The following PRKCH variants were observed in gnomAD, a reference collection of about 807,000 sequenced individuals.
PRKCH encodes protein kinase C eta type.
A neutral mutation model predicts 82.5 loss-of-function variants in PRKCH; 28 were observed. The observed-to-expected ratio is 0.34, with a 90% CI of 0.25 to 0.47. The LOEUF (loss-of-function observed/expected upper bound fraction) is 0.47, where lower values mean the gene tolerates loss of function less well. PRKCH is among the 20% of genes least tolerant of loss of function. The pLI is 1.00. For synonymous variants in PRKCH, 322 were observed against 327.4 expected (o/e 0.98, Z 0.18); for missense variants, 705 against 881.8 (o/e 0.80, Z 2.54).
chr14:61,295,373 C>T (rs2045398143), intron 1 of PRKCH, among the ~76,000 whole-genome samples: 1 of 152,220 alleles, frequency 6.6e-6, no homozygotes, highest in Admixed American at 6.5e-5. Flanking sequence ...TTAAAAACAT[C>T]TCCCCTGGGA....
At chr14:61,244,375 C>A (rs548828487) in intron 1 of PRKCH, among the ~76,000 whole-genome samples, 1 of 152,090 alleles carries the variant, frequency 6.6e-6, no homozygotes, top group African/African-American at 2.4e-5. Flanking sequence ...CAACCTGAAA[C>A]GGTATATGAG....
intron 1 of PRKCH, among the ~76,000 whole-genome samples, chr14:61,216,334 G>A (rs1469523147): frequency 6.6e-6 from 1 of 151,926 alleles, no homozygotes; most frequent in South Asian, 2.1e-4. Context: ...ATGTGGTGGT[G>A]CATGCCTGTA....
chr14:61,451,659 G>A (rs1884514133), intron 6 of PRKCH, among the ~76,000 whole-genome samples: 1 of 152,206 alleles, frequency 6.6e-6, no homozygotes, highest in African/African-American at 2.4e-5. Context: ...TTAGGAGTTA[G>A]GGAGCTGTTG....
chr14:61,536,480 C>T (rs1442096430), intron 12 of PRKCH, among the ~76,000 whole-genome samples: 1 of 152,186 alleles, frequency 6.6e-6, no homozygotes, highest in Non-Finnish European at 1.5e-5. Flanking sequence ...CAGACCTTCA[C>T]AGTGCCTCTC....
intron 1 of PRKCH, among the ~76,000 whole-genome samples, chr14:61,301,062 C>T (rs370997472): frequency 3.3e-5 from 5 of 152,138 alleles, no homozygotes; most frequent in African/African-American, 7.2e-5. Context: ...CACTCAGGCG[C>T]CCCGCTCTCT....
Position 61,242,650 on chromosome 14 carries a change from G to A in PRKCH, c.-19+54982G>A, listed in dbSNP as rs536227758. Among the ~76,000 whole-genome samples, 4 of 151,938 alleles carry A rather than the reference G, an allele frequency of 2.6e-5. No individual in the cohort carries two copies. The South Asian group carries it at 6.2e-4, about 24-fold the overall frequency. On this transcript the variant is annotated intron_variant, in intron 1 of 3. Coordinates refer to the PRKCH transcript ENST00000555185. The stretch of plus-strand genomic sequence containing the variant: ...TGACCTCAGGTGATCCCCCCTCCTC[G>A]GCCTCCCAAAGTGCTGGGATTACAG...
chr14:61,547,613 AC>A, intron 12 of PRKCH, 129 bp from the exon 13 acceptor site: 1 of 1,176,344 alleles, frequency 8.5e-7, no homozygotes, highest in African/African-American at 1.5e-5. Context: ...GTGATGGAAA[AC>A]CCAGCTAGTT....
At chr14:61,402,578 C>T (rs891782173) in intron 2 of PRKCH, among the ~76,000 whole-genome samples, 3 of 151,936 alleles carry the variant, frequency 2.0e-5, no homozygotes, top group Admixed American at 6.6e-5. Context: ...GGGCAGATCA[C>T]GAGGTCAGGA....
intron 2 of PRKCH, among the ~76,000 whole-genome samples, chr14:61,434,433 G>T (rs1465227110): frequency 2.0e-5 from 3 of 152,050 alleles, no homozygotes; most frequent in African/African-American, 7.2e-5. Flanking sequence ...AAGAATGTCT[G>T]ACCTACTGTT....
At chr14:61,194,864 G>C (rs2044430317) in intron 1 of PRKCH, among the ~76,000 whole-genome samples, 2 of 152,140 alleles carry the variant, frequency 1.3e-5, no homozygotes, top group Non-Finnish European at 2.9e-5. Context: ...CTCCTGAGTA[G>C]CTGGGATCAC....
chr14:61,249,653 G>A (rs545925045), intron 1 of PRKCH, among the ~76,000 whole-genome samples: 25 of 151,412 alleles, frequency 1.7e-4, no homozygotes, highest in African/African-American at 5.8e-4. Flanking sequence ...ACAGAGTCTC[G>A]CTCTGTCTCC....
intron 1 of PRKCH, among the ~76,000 whole-genome samples, chr14:61,247,975 T>C (rs1374226466): frequency 6.6e-6 from 1 of 152,106 alleles, no homozygotes; most frequent in Non-Finnish European, 1.5e-5. Flanking sequence ...TACAGGATAC[T>C]CCATCAACTT....
intron 10 of PRKCH, among the ~76,000 whole-genome samples, chr14:61,505,533 G>A (rs926713053): frequency 1.4e-5 from 2 of 146,670 alleles, no homozygotes; most frequent in Non-Finnish European, 3.0e-5. Flanking sequence ...GTGCCACCAC[G>A]CCTGGCCAAT....
chr14:61,531,255 A>G (rs932059592), intron 12 of PRKCH, among the ~76,000 whole-genome samples: 1 of 152,206 alleles, frequency 6.6e-6, no homozygotes, highest in Non-Finnish European at 1.5e-5. Flanking sequence ...AAGTACATGT[A>G]ATTTGGGTCA....
intron 1 of PRKCH, among the ~76,000 whole-genome samples, chr14:61,201,704 T>A (rs932401995): frequency 6.6e-6 from 1 of 152,116 alleles, no homozygotes; most frequent in Admixed American, 6.5e-5. Context: ...ACATAGCCAA[T>A]AGAACTAAAA....
chr14:61,483,671 C>T (rs772913260), intron 9 of PRKCH, among the ~76,000 whole-genome samples: 4 of 151,938 alleles, frequency 2.6e-5, no homozygotes, highest in Non-Finnish European at 5.9e-5. Context: ...AGCAGGAGCA[C>T]GCACCCTGCT....
intron 9 of PRKCH, among the ~76,000 whole-genome samples, chr14:61,481,995 T>C (rs902237818): frequency 7.0e-5 from 10 of 142,684 alleles, no homozygotes; most frequent in East Asian, 4.2e-4. Context: ...TTTTCCTTTT[T>C]TTTTTTTTTT....
intron 2 of PRKCH, among the ~76,000 whole-genome samples, chr14:61,428,290 T>C (rs1883229676): frequency 6.6e-6 from 1 of 152,070 alleles, no homozygotes; most frequent in South Asian, 2.1e-4. Flanking sequence ...CTCTGCACTC[T>C]AGCCTTTGTA....
intron 9 of PRKCH, among the ~76,000 whole-genome samples, chr14:61,471,542 G>A (rs1193640349): frequency 1.3e-5 from 2 of 151,462 alleles, no homozygotes; most frequent in African/African-American, 4.9e-5. Context: ...ATCACCAGTT[G>A]TAAGTGACTT....
Sources: allele counts gnomAD v4.1 joint callset (sites outside exome capture counted in the v4.1 genomes callset), GRCh38; gene constraint gnomAD v4.1.1; transcripts MANE v1.5; gene names NCBI Gene and HGNC (gene_info 2026-07-23, HGNC 2026-07-21).